GLIS3: variants seen among roughly 807,000 people sequenced by gnomAD.
GLIS3 encodes zinc finger protein GLIS3.
In GLIS3, 53 loss-of-function variants were observed where a neutral mutation model predicts 78.6. The observed-to-expected ratio is 0.67, with a 90% confidence interval of 0.54 to 0.85. GLIS3 has a LOEUF of 0.85. Ranked by LOEUF, GLIS3 falls within the 40% of genes least tolerant of loss-of-function variation. The probability of loss-of-function intolerance (pLI) is 0.00; values close to 1 mark genes in which losing one functional copy is unlikely to be tolerated. For synonymous variants in GLIS3, 684 were observed against 509.9 expected (o/e 1.34, Z -4.60); for missense variants, 1,703 against 1,231.1 (o/e 1.38, Z -5.74).
the GLIS3 span, among the ~76,000 whole-genome samples, chr9:4,479,513 C>G: frequency 3.9e-5 from 6 of 152,226 alleles, no homozygotes; most frequent in African/African-American, 1.4e-4. Context: ...ATATGCAAGT[C>G]TGTACATTGG....
At chr9:4,232,734 G>A (rs1458803984) in intron 2 of GLIS3, among the ~76,000 whole-genome samples, 2 of 152,142 alleles carry the variant, frequency 1.3e-5, no homozygotes, top group Non-Finnish European at 2.9e-5. Flanking sequence ...GGAGGACACA[G>A]AAACGTTATC....
chr9:4,416,423 T>C, the GLIS3 span, among the ~76,000 whole-genome samples: 1 of 152,120 alleles, frequency 6.6e-6, no homozygotes, highest in African/African-American at 2.4e-5. Flanking sequence ...TGCTATGTAG[T>C]ACACTGTAAT....
chr9:4,405,516 A>G, the GLIS3 span, among the ~76,000 whole-genome samples: 11 of 152,306 alleles, frequency 7.2e-5, no homozygotes, highest in East Asian at 2.1e-3. Context: ...ACCTATTAAG[A>G]TTGAATCAGG....
chr9:3,845,177 T>G (rs141548213), intron 9 of GLIS3, among the ~76,000 whole-genome samples: 54 of 152,180 alleles, frequency 3.5e-4, no homozygotes, highest in African/African-American at 1.1e-3. Flanking sequence ...TGTTCATCAA[T>G]AAGGGAATGA....
the GLIS3 span, among the ~76,000 whole-genome samples, chr9:4,395,874 A>G: frequency 1.3e-5 from 2 of 151,382 alleles, no homozygotes; most frequent in Non-Finnish European, 2.9e-5. Flanking sequence ...CCCTAGTTCA[A>G]GCGATTCTCC....
chr9:3,848,483 C>G (rs1217350201), intron 9 of GLIS3, among the ~76,000 whole-genome samples: 1 of 152,130 alleles, frequency 6.6e-6, no homozygotes, highest in East Asian at 1.9e-4. Flanking sequence ...GCCTGGACGA[C>G]AAGAGCGAAA....
intron 6 of GLIS3, among the ~76,000 whole-genome samples, chr9:3,924,549 C>T (rs376196562): frequency 1.2e-4 from 18 of 152,356 alleles, no homozygotes; most frequent in East Asian, 1.2e-3. Context: ...GGCTTATCCA[C>T]GCCCTTGTGT....
intron 4 of GLIS3, among the ~76,000 whole-genome samples, chr9:4,088,988 G>A (rs1391544327): frequency 6.6e-6 from 1 of 152,238 alleles, no homozygotes; most frequent in African/African-American, 2.4e-5. Flanking sequence ...AATTTTGACA[G>A]AAACATCTAT....
intron 2 of GLIS3, among the ~76,000 whole-genome samples, chr9:4,133,857 CA>C (rs1564098422): frequency 2.9e-4 from 27 of 94,654 alleles, no homozygotes; most frequent in East Asian, 5.3e-4. Context: ...CACACACACA[CA>C]CACACACACA....
the GLIS3 span, among the ~76,000 whole-genome samples, chr9:4,368,647 G>A: frequency 2.2e-4 from 33 of 152,246 alleles, no homozygotes; most frequent in African/African-American, 6.3e-4. Flanking sequence ...CACTGCGCCC[G>A]GCCTGCACAA....
Position 3,830,542 on chromosome 9 carries a change from C to A in GLIS3, c.2474-1050G>T, listed in dbSNP as rs1359965261. On this transcript the variant is annotated intron_variant, in intron 9 of 10. Coordinates refer to ENST00000381971, the MANE Select transcript of GLIS3 (RefSeq NM_001042413.2). ...TGAGTCATTGGATAAGGAAGTCCAT[C>A]TCTAACGTTTTAAAGCACTTTATAA... 1.2e-4 allele frequency among the ~76,000 whole-genome samples: 19 copies of A among 152,270 alleles called. No individual in the cohort carries two copies. The East Asian group carries it at 3.7e-3, about 29-fold the overall frequency.
rs1354027863 is a variant in GLIS3 at position 4,033,587 on chromosome 9, A to G, written c.1710+84181T>C. ...CTTAAAGTGTTTTCCAAATAGGAGC[A>G]TGGACTTCCCCTTGGGAGCTTGCTA... On this transcript the variant is annotated intron_variant, in intron 4 of 10. Coordinates refer to ENST00000381971, the MANE Select transcript of GLIS3 (RefSeq NM_001042413.2). Among the ~76,000 whole-genome samples, 5 of 152,144 alleles carry G rather than the reference A, an allele frequency of 3.3e-5. No homozygotes were observed. The East Asian group carries it at 9.7e-4, about 29-fold the overall frequency.
chr9:4,118,581 C>G lies in GLIS3; in HGVS notation c.897G>C (p.Lys299Asn), dbSNP rs753764072. 8 of 1,614,246 alleles carry G rather than the reference C, an allele frequency of 5.0e-6. 1 individual carries two copies. The South Asian group carries it at 8.8e-5, about 18-fold the overall frequency. The change falls in exon 4 of 11, where the codon AAG (lysine) becomes AAC (asparagine). Residue 299 changes from lysine to asparagine, a missense_variant. Coordinates refer to ENST00000381971, the MANE Select transcript of GLIS3 (RefSeq NM_001042413.2). This position sits in a 1 kb window ranked among gnomAD's most constrained non-coding sequence, Gnocchi z 4.7. The part of the protein sequence containing the change: ...SSTRSHSARS[K>N]KRALSLSPLS... ...GCGGGGACAAGGACAGCGCTCTCTT[C>G]TTGGAGCGGGCCGAGTGGGACCTGG...
At chr9:4,020,888 G>A (rs1822829624) in intron 4 of GLIS3, among the ~76,000 whole-genome samples, 1 of 152,152 alleles carries the variant, frequency 6.6e-6, no homozygotes, top group Non-Finnish European at 1.5e-5. Context: ...CACAGCCACA[G>A]TAACACTCAC....
intron 4 of GLIS3, among the ~76,000 whole-genome samples, chr9:4,077,284 A>G (rs1433713772): frequency 2.0e-5 from 3 of 152,214 alleles, no homozygotes; most frequent in Non-Finnish European, 4.4e-5. Flanking sequence ...TTAATACAGA[A>G]AGTATGCACA....
At chr9:4,272,886 C>A (rs959839145) in intron 2 of GLIS3, among the ~76,000 whole-genome samples, 1 of 152,204 alleles carries the variant, frequency 6.6e-6, no homozygotes, top group African/African-American at 2.4e-5. Flanking sequence ...AATAGGGCCT[C>A]ATTTAAGTCT....
intron 2 of GLIS3, among the ~76,000 whole-genome samples, chr9:4,318,493 C>A (rs1164277625): frequency 6.6e-6 from 1 of 152,070 alleles, no homozygotes; most frequent in Non-Finnish European, 1.5e-5. Context: ...ATATAAGGGG[C>A]AGTGTCAAAA....
At chr9:4,002,610 G>A (rs1048223568) in intron 4 of GLIS3, among the ~76,000 whole-genome samples, 24 of 152,082 alleles carry the variant, frequency 1.6e-4, no homozygotes, top group African/African-American at 5.8e-4. Flanking sequence ...AGAGGCTATT[G>A]ATTGGTCACC....
At chr9:3,981,225 A>T (rs1024855070) in intron 4 of GLIS3, among the ~76,000 whole-genome samples, 1 of 152,236 alleles carries the variant, frequency 6.6e-6, no homozygotes, top group Admixed American at 6.5e-5. Flanking sequence ...TAAAGGAGAC[A>T]GGACTTTAGG....
Sources: gnomAD v4.1 joint callset for allele counts (sites outside exome capture counted in the v4.1 genomes callset) on GRCh38, gnomAD v4.1.1 for gene constraint, Gnocchi (gnomAD v3.1) non-coding constraint, MANE v1.5 for transcripts, NCBI Gene and HGNC (gene_info 2026-07-23, HGNC 2026-07-21) for gene names.